The following FAF1 variants were observed in gnomAD, a reference collection of about 807,000 sequenced individuals.
The protein encoded by FAF1 is FAS-associated factor 1.
FAF1 carries 25 observed loss-of-function variants against 92.5 expected under a neutral mutation model. The observed-to-expected ratio is 0.27, with a 90% CI of 0.20 to 0.38. The LOEUF (loss-of-function observed/expected upper bound fraction) is 0.38. FAF1 is among the 10% of genes least tolerant of loss of function. FAF1 has a pLI of 1.00. For missense variants in FAF1, 636 were observed against 793.3 expected (o/e 0.80, Z 2.38); for synonymous variants, 234 against 273.2 (o/e 0.86, Z 1.42).
intron 2 of FAF1, among the ~76,000 whole-genome samples, chr1:50,848,880 A>C (rs559514435): frequency 6.6e-6 from 1 of 152,224 alleles, no homozygotes; most frequent in Middle Eastern, 3.2e-3. Flanking sequence ...AATGTATTGT[A>C]GACATTAAAT....
In FAF1 at chr1:50,574,792, G is replaced by C. The variant is rs558780066; in HGVS notation, c.1114-7561C>G. Among the ~76,000 whole-genome samples the C allele has an allele frequency of 9.4e-4, 141 of 150,070 alleles. 1 individual carries two copies. The highest frequency in any genetic ancestry group is 3.2e-3 in the African/African-American group (129 of 40,888). On this transcript the variant is annotated intron_variant, in intron 12 of 18. Coordinates refer to ENST00000396153, the MANE Select transcript of FAF1 (RefSeq NM_007051.3). ...AATGATTTATGGGTATACATGTTCA[G>C]TAGCTTTTTAATACCATCAAATATT...
intron 4 of FAF1, among the ~76,000 whole-genome samples, chr1:50,761,455 C>A (rs971860550): frequency 2.0e-5 from 3 of 152,138 alleles, no homozygotes; most frequent in African/African-American, 4.8e-5. Context: ...TACTGGCAAA[C>A]CGAATCCAGC....
At chr1:50,532,046 G>C (rs1283648609) in intron 15 of FAF1, among the ~76,000 whole-genome samples, 1 of 152,086 alleles carries the variant, frequency 6.6e-6, no homozygotes, top group Non-Finnish European at 1.5e-5. Context: ...AGTGTTTCTT[G>C]TCACATATTC....
chr1:50,815,053 T>C (rs890772013), intron 2 of FAF1, among the ~76,000 whole-genome samples: 2 of 152,188 alleles, frequency 1.3e-5, no homozygotes, highest in African/African-American at 2.4e-5. Flanking sequence ...TTAAAAGCAG[T>C]CTCTTAAAAA....
chr1:50,910,985 T>A (rs1644881133), intron 1 of FAF1, among the ~76,000 whole-genome samples: 1 of 152,158 alleles, frequency 6.6e-6, no homozygotes, highest in African/African-American at 2.4e-5. Flanking sequence ...AGACTGGAGC[T>A]GTTCCTATTT....
rs185109845 is a variant in FAF1 at position 50,580,620 on chromosome 1, G to A, written c.1113+1998C>T. Reference sequence around the variant, plus strand: ...AGAAAGTGATCATATAATATTAAAAGGTAAAAAAAGCTGTTATTACAGGAT... The same window carrying A: ...AGAAAGTGATCATATAATATTAAAAAGTAAAAAAAGCTGTTATTACAGGAT... On this transcript the variant is annotated intron_variant, in intron 12 of 18. Transcript: ENST00000396153. Among the ~76,000 whole-genome samples the A allele has an allele frequency of 1.6e-3, 236 of 151,556 alleles. 1 individual carries two copies. The highest frequency in any genetic ancestry group is 5.5e-3 in the African/African-American group (229 of 41,374).
chr1:50,935,917 T>C (rs1290184865), intron 1 of FAF1, among the ~76,000 whole-genome samples: 2 of 152,216 alleles, frequency 1.3e-5, no homozygotes, highest in Non-Finnish European at 2.9e-5. Context: ...TCCTAGGCAA[T>C]GTACTAGGTA....
At chr1:50,881,419 G>A (rs905332529) in intron 1 of FAF1, among the ~76,000 whole-genome samples, 7 of 152,110 alleles carry the variant, frequency 4.6e-5, no homozygotes, top group Non-Finnish European at 7.4e-5. Context: ...CTGAAAGACC[G>A]AAAACTTAAG....
chr1:50,742,198 T>C (rs1367828087), intron 5 of FAF1, among the ~76,000 whole-genome samples: 1 of 149,720 alleles, frequency 6.7e-6, no homozygotes, highest in Non-Finnish European at 1.5e-5. Context: ...TCTATAGTCC[T>C]AGCTACTTAG....
chr1:50,550,521 A>G (rs962843006), intron 13 of FAF1, among the ~76,000 whole-genome samples: 3 of 152,156 alleles, frequency 2.0e-5, no homozygotes, highest in Non-Finnish European at 4.4e-5. Context: ...ATTAAGCTCA[A>G]TTCAGACAGC....
chr1:50,746,282 ATATATATATATTTTTTTTTTTT>A (rs1334184884), intron 4 of FAF1, among the ~76,000 whole-genome samples: 24 of 18,642 alleles, frequency 1.3e-3, no homozygotes, highest in Non-Finnish European at 1.0e-3. Flanking sequence ...ATATATATAT[ATATATATATATTTTTTTTTTTT>A]TTTTTTTTTT....
At chr1:50,754,196 T>C (rs1346209646) in intron 4 of FAF1, among the ~76,000 whole-genome samples, 2 of 152,340 alleles carry the variant, frequency 1.3e-5, no homozygotes, top group East Asian at 3.9e-4. Context: ...AAATTTTATC[T>C]TGTTAAGTGC....
At chr1:50,869,014 TTG>T (rs1452203705) in intron 1 of FAF1, among the ~76,000 whole-genome samples, 2 of 152,188 alleles carry the variant, frequency 1.3e-5, no homozygotes, top group Non-Finnish European at 2.9e-5. Flanking sequence ...CCATTTGTAC[TTG>T]TGGATTTGTC....
At chr1:50,499,732 C>T (rs1363732397) in intron 15 of FAF1, among the ~76,000 whole-genome samples, 1 of 152,136 alleles carries the variant, frequency 6.6e-6, no homozygotes, top group Non-Finnish European at 1.5e-5. Context: ...CTTCCCTCCC[C>T]TTCCTCCCTT....
chr1:50,815,552 T>G (rs1643961095), intron 2 of FAF1, among the ~76,000 whole-genome samples: 1 of 152,240 alleles, frequency 6.6e-6, no homozygotes, highest in Non-Finnish European at 1.5e-5. Context: ...TATTTTCCTC[T>G]GGATATATAC....
intron 18 of FAF1, among the ~76,000 whole-genome samples, chr1:50,444,232 T>C (rs1646202504): frequency 6.6e-6 from 1 of 152,210 alleles, no homozygotes; most frequent in Admixed American, 6.5e-5. Context: ...CCTGCAGTGC[T>C]CTGGGCCCCA....
Position 50,819,752 on chromosome 1 carries a change from C to CGT in FAF1, c.115-18076_115-18075insAC, listed in dbSNP as rs1459909325. ...ATACATATATATACATATATATATA[C>CGT]ATATATATATACGTATATATATATA... On this transcript the variant is annotated intron_variant, in intron 2 of 18. Transcript: ENST00000396153. Among the ~76,000 whole-genome samples the CGT allele has an allele frequency of 3.2e-3, 66 of 20,622 alleles. 5 individuals carry two copies. Among genetic ancestry groups the CGT allele is most frequent in the African/African-American group, 0.011 (65 of 6,060 alleles). 13.5% of individuals were successfully genotyped at this position (20,622 alleles called of 152,430 possible).
rs181564343 is a variant in FAF1, at chr1:50,653,439, C to T, written c.744+2003G>A. Among the ~76,000 whole-genome samples the T allele has an allele frequency of 7.5e-4, 115 of 152,330 alleles. 1 individual carries two copies. Among genetic ancestry groups the T allele is most frequent in the African/African-American group, 2.7e-3 (111 of 41,590 alleles). ...AATCTTGGCTCACTGCAACCTCCCCCTCCCAGGTTCAAGTGATCCTCCTGC... is the reference window on the plus strand; with the variant it reads ...AATCTTGGCTCACTGCAACCTCCCCTTCCCAGGTTCAAGTGATCCTCCTGC... On this transcript the variant is annotated intron_variant, in intron 8 of 18. Transcript: ENST00000396153.
chr1:50,467,013 G>C (rs1646505542), intron 18 of FAF1, among the ~76,000 whole-genome samples: 1 of 152,088 alleles, frequency 6.6e-6, no homozygotes, highest in African/African-American at 2.4e-5. Flanking sequence ...ACGCCAGCAG[G>C]GATCTATTGC....
Sources: allele counts gnomAD v4.1 joint callset (sites outside exome capture counted in the v4.1 genomes callset), GRCh38; gene constraint gnomAD v4.1.1; transcripts MANE v1.5; gene names NCBI Gene and HGNC (gene_info 2026-07-23, HGNC 2026-07-21).